Variants in LDLRAD3 observed in about 807,000 individuals in gnomAD.
LDLRAD3 encodes the protein low density lipoprotein receptor class A domain containing 3.
Under a neutral mutation model 29.4 loss-of-function variants are expected in LDLRAD3, and 20 were observed. That is an observed-to-expected ratio of 0.68 (90% CI 0.48 to 0.99). LDLRAD3 has a LOEUF of 0.99. LDLRAD3 is among the 50% of genes least tolerant of loss of function. The pLI, the probability that LDLRAD3 is intolerant of heterozygous loss-of-function variation, is 0.00. For synonymous variants in LDLRAD3, 157 were observed against 192.7 expected (o/e 0.81, Z 1.53); for missense variants, 420 against 454.3 (o/e 0.92, Z 0.69).
intron 1 of LDLRAD3, among the ~76,000 whole-genome samples, chr11:35,986,475 T>A (rs1283985682): frequency 6.6e-6 from 1 of 152,222 alleles, no homozygotes; most frequent in East Asian, 1.9e-4. Context: ...TTAGATAATG[T>A]GTTAGTCAGG....
intron 4 of LDLRAD3, among the ~76,000 whole-genome samples, chr11:36,215,878 C>T (rs544855502): frequency 2.6e-5 from 4 of 152,272 alleles, no homozygotes; most frequent in South Asian, 2.1e-4. Context: ...GGAGTAGCAC[C>T]GATGAACTGA....
At chr11:35,967,686 T>C (rs963220979) in intron 1 of LDLRAD3, 10 of 470,974 alleles carry the variant, frequency 2.1e-5, no homozygotes, top group Non-Finnish European at 3.8e-5. Flanking sequence ...CAAGGTTTCA[T>C]GTCCGGGTGC....
At chr11:35,967,965 G>A in intron 1 of LDLRAD3, 1 of 402,310 alleles carries the variant, frequency 2.5e-6, no homozygotes, top group Non-Finnish European at 4.8e-6. Context: ...TCCTGAAAAA[G>A]TTTTCATATA....
At chr11:36,174,407 T>A (rs561815375) in intron 4 of LDLRAD3, among the ~76,000 whole-genome samples, 3 of 152,094 alleles carry the variant, frequency 2.0e-5, no homozygotes, top group Non-Finnish European at 4.4e-5. Context: ...CAAAAGAAAC[T>A]ACCATCAGAG....
intron 4 of LDLRAD3, among the ~76,000 whole-genome samples, chr11:36,194,790 C>T (rs559548427): frequency 6.6e-6 from 1 of 152,324 alleles, no homozygotes; most frequent in African/African-American, 2.4e-5. Context: ...CTCATTCATT[C>T]AGTCCACAAT....
At chr11:36,072,848 G>A (rs762654861) in intron 2 of LDLRAD3, among the ~76,000 whole-genome samples, 1 of 152,172 alleles carries the variant, frequency 6.6e-6, no homozygotes, top group South Asian at 2.1e-4. Context: ...ATGCCTCCTG[G>A]CCCCCTCTAG....
In LDLRAD3 at chr11:36,174,617, C is replaced by T. The variant is rs1489570176; in HGVS notation, c.455-52468C>T. On this transcript the variant is annotated intron_variant, in intron 4 of 5. Transcript: ENST00000315571. ...CAGCCAACAGACACATGAAAAAATG[C>T]TTGTCATCACTGGCCATCAGAGAAA... 2.0e-5 allele frequency among the ~76,000 whole-genome samples: 3 copies of T among 152,180 alleles called. No individual in the cohort carries two copies. The East Asian group carries it at 5.8e-4, about 29-fold the overall frequency.
chr11:35,983,046 G>T (rs1851562861), intron 1 of LDLRAD3, among the ~76,000 whole-genome samples: 1 of 152,016 alleles, frequency 6.6e-6, no homozygotes, highest in Non-Finnish European at 1.5e-5. Flanking sequence ...TAGAGGCAGG[G>T]TTTTACCATG....
At chr11:36,112,130 T>A (rs1391070035) in intron 4 of LDLRAD3, among the ~76,000 whole-genome samples, 1 of 152,242 alleles carries the variant, frequency 6.6e-6, no homozygotes, top group Non-Finnish European at 1.5e-5. Context: ...CCACACTTTA[T>A]GAAATGGATC....
chr11:36,033,651 TAAC>T (rs1033995745), intron 1 of LDLRAD3, among the ~76,000 whole-genome samples: 34 of 152,224 alleles, frequency 2.2e-4, no homozygotes, highest in Non-Finnish European at 7.3e-5. Flanking sequence ...AGCAGTTCTC[TAAC>T]AACAGAGCAG....
At chr11:35,960,968 A>C (rs561847138) in intron 1 of LDLRAD3, among the ~76,000 whole-genome samples, 2 of 152,248 alleles carry the variant, frequency 1.3e-5, no homozygotes, top group South Asian at 4.1e-4. Flanking sequence ...CTGTTCCCTC[A>C]TCTCCCGCTG....
intron 1 of LDLRAD3, among the ~76,000 whole-genome samples, chr11:35,989,737 T>A (rs1461097892): frequency 1.3e-5 from 2 of 152,182 alleles, no homozygotes; most frequent in Admixed American, 1.3e-4. Context: ...TGCTACTGAT[T>A]TTTGTACATT....
intron 1 of LDLRAD3, among the ~76,000 whole-genome samples, chr11:35,998,155 G>A (rs751851892): frequency 2.6e-5 from 4 of 152,158 alleles, no homozygotes; most frequent in Non-Finnish European, 4.4e-5. Context: ...TGAGGCTGAG[G>A]AGGTGTTTAC....
chr11:36,093,136 G>A (rs544136758), intron 3 of LDLRAD3, among the ~76,000 whole-genome samples: 1 of 152,276 alleles, frequency 6.6e-6, no homozygotes, highest in African/African-American at 2.4e-5. Flanking sequence ...AGAGTAAAAG[G>A]GAAGGGAAGT....
At chr11:36,190,406 G>A (rs112455256) in intron 4 of LDLRAD3, among the ~76,000 whole-genome samples, 1,971 of 152,236 alleles carry the variant, frequency 0.013, 50 homozygotes, top group African/African-American at 0.045. Flanking sequence ...TGGCTGAGGT[G>A]GGAGGATTGC....
At chr11:36,023,302 G>A (rs895415282) in intron 1 of LDLRAD3, among the ~76,000 whole-genome samples, 5 of 152,174 alleles carry the variant, frequency 3.3e-5, no homozygotes, top group African/African-American at 7.2e-5. Flanking sequence ...CATAGGGAAC[G>A]GGAGGTAGGT....
At chr11:36,023,959 A>G (rs1019937227) in intron 1 of LDLRAD3, among the ~76,000 whole-genome samples, 1 of 152,242 alleles carries the variant, frequency 6.6e-6, no homozygotes, top group Non-Finnish European at 1.5e-5. Context: ...GCCATCATGT[A>G]TGAGAAGACA....
intron 4 of LDLRAD3, among the ~76,000 whole-genome samples, chr11:36,127,600 A>G (rs2133302259): frequency 6.6e-6 from 1 of 152,312 alleles, no homozygotes; most frequent in East Asian, 1.9e-4. Context: ...CTTTGACAAC[A>G]GTTTTTGCTC....
chr11:36,044,107 C>T (rs2133217085), intron 2 of LDLRAD3, among the ~76,000 whole-genome samples: 1 of 152,256 alleles, frequency 6.6e-6, no homozygotes, highest in South Asian at 2.1e-4. Flanking sequence ...GCTTTGGGCC[C>T]AGACAGTACT....
Sources: allele counts gnomAD v4.1 joint callset (sites outside exome capture counted in the v4.1 genomes callset), GRCh38; gene constraint gnomAD v4.1.1; transcripts MANE v1.5; gene names NCBI Gene and HGNC (gene_info 2026-07-23, HGNC 2026-07-21).